Variants in LINC00305 observed in about 807,000 individuals in gnomAD.
The protein encoded by LINC00305 is long intergenic non-protein coding RNA 305.
At chr18:64,135,363 G>A (rs1262037908) in intron 1 of LINC00305, among the ~76,000 whole-genome samples, 1 of 152,016 alleles carries the variant, frequency 6.6e-6, no homozygotes, top group Non-Finnish European at 1.5e-5. Flanking sequence ...AATGACATCC[G>A]ACTTCTTTCT....
intron 1 of LINC00305, among the ~76,000 whole-genome samples, chr18:64,118,144 G>T (rs1306917478): frequency 1.3e-5 from 2 of 152,116 alleles, no homozygotes; most frequent in East Asian, 3.8e-4. Flanking sequence ...TCTGGTATTT[G>T]TTTTGGACAA....
At chr18:64,143,023 C>T (rs1435966419) in intron 1 of LINC00305, among the ~76,000 whole-genome samples, 1 of 152,000 alleles carries the variant, frequency 6.6e-6, no homozygotes, top group Non-Finnish European at 1.5e-5. Flanking sequence ...AAGGATCAAA[C>T]ATACCAAAGC....
intron 1 of LINC00305, among the ~76,000 whole-genome samples, chr18:64,099,216 G>T (rs930489339): frequency 1.3e-5 from 2 of 152,032 alleles, no homozygotes; most frequent in African/African-American, 4.8e-5. Context: ...TTAATGTTTT[G>T]TCTGTGTATT....
At chr18:64,125,804 A>T (rs2051382558) in intron 1 of LINC00305, among the ~76,000 whole-genome samples, 1 of 152,120 alleles carries the variant, frequency 6.6e-6, no homozygotes, top group Non-Finnish European at 1.5e-5. Flanking sequence ...ATGGGAGGTG[A>T]TTAGGCATGA....
At chr18:64,090,044 G>A (rs1396699656) in intron 3 of LINC00305, among the ~76,000 whole-genome samples, 1 of 152,180 alleles carries the variant, frequency 6.6e-6, no homozygotes, top group Non-Finnish European at 1.5e-5. Context: ...CAAATAGTGG[G>A]CTCAAAGACA....
At position 64,138,902 on chromosome 18, in the gene LINC00305, C is replaced by A. The variant is rs890570315; in HGVS notation, n.314+9873G>T. On this transcript the variant is annotated intron_variant and non_coding_transcript_variant, in intron 1 of 3. Coordinates refer to ENST00000666468, the Ensembl canonical transcript of LINC00305. ...ACTTGAATAAGCTTGCAATAAATGACCCTATCCAAATGAATCAAAGAGTAT... is the reference window on the plus strand; with the variant it reads ...ACTTGAATAAGCTTGCAATAAATGAACCTATCCAAATGAATCAAAGAGTAT... 9.2e-5 allele frequency among the ~76,000 whole-genome samples: 14 copies of A among 152,244 alleles called. 1 individual carries two copies. Among genetic ancestry groups the A allele is most frequent in the Admixed American group, 8.5e-4 (13 of 15,284 alleles).
intron 1 of LINC00305, among the ~76,000 whole-genome samples, chr18:64,111,517 G>A (rs1042505253): frequency 6.6e-6 from 1 of 152,156 alleles, no homozygotes; most frequent in Non-Finnish European, 1.5e-5. Flanking sequence ...GTGAATTCTT[G>A]TTTATAGAAT....
intron 1 of LINC00305, among the ~76,000 whole-genome samples, chr18:64,110,593 A>C (rs1317637005): frequency 6.6e-6 from 1 of 152,204 alleles, no homozygotes; most frequent in African/African-American, 2.4e-5. Flanking sequence ...ACCTACAAAG[A>C]TACTGGCACA....
chr18:64,127,935 A>G (rs943318712), intron 1 of LINC00305, among the ~76,000 whole-genome samples: 1 of 152,040 alleles, frequency 6.6e-6, no homozygotes, highest in Non-Finnish European at 1.5e-5. Flanking sequence ...TAACTGAGCT[A>G]ATTTTGGGAG....
intron 3 of LINC00305, among the ~76,000 whole-genome samples, chr18:64,081,423 T>A (rs541814209): frequency 1.3e-5 from 2 of 152,292 alleles, no homozygotes; most frequent in African/African-American, 4.8e-5. Context: ...GAATCAATCC[T>A]CAGGCATCAA....
intron 3 of LINC00305, among the ~76,000 whole-genome samples, chr18:64,095,568 G>A (rs74328715): frequency 0.011 from 1,655 of 152,112 alleles, 32 homozygotes; most frequent in African/African-American, 0.038. Context: ...TAAAAGAAGT[G>A]AAATAATTTA....
chr18:64,148,131 A>G (rs941924209), intron 1 of LINC00305, among the ~76,000 whole-genome samples: 2 of 151,948 alleles, frequency 1.3e-5, no homozygotes, highest in African/African-American at 2.4e-5. Context: ...CTTCCTATCT[A>G]GGATCTCCAC....
intron 1 of LINC00305, among the ~76,000 whole-genome samples, chr18:64,138,473 G>A (rs550774562): frequency 8.5e-5 from 13 of 152,264 alleles, no homozygotes; most frequent in South Asian, 2.1e-4. Flanking sequence ...TACATCACAC[G>A]CTGCTTTTGC....
chr18:64,109,760 G>A (rs1269563577), intron 1 of LINC00305, among the ~76,000 whole-genome samples: 1 of 152,084 alleles, frequency 6.6e-6, no homozygotes, highest in Non-Finnish European at 1.5e-5. Flanking sequence ...CCTGTGGTTG[G>A]ATGTAGCCAT....
intron 1 of LINC00305, among the ~76,000 whole-genome samples, chr18:64,118,494 C>G (rs2051347563): frequency 6.6e-6 from 1 of 151,784 alleles, no homozygotes; most frequent in South Asian, 2.1e-4. Flanking sequence ...ATCATTATAA[C>G]TTTTTTGTAT....
chr18:64,108,965 C>A (rs1251821120), intron 1 of LINC00305, among the ~76,000 whole-genome samples: 1 of 152,042 alleles, frequency 6.6e-6, no homozygotes, highest in African/African-American at 2.4e-5. Flanking sequence ...ATTTCTTTTC[C>A]CATTTATGTG....
intron 1 of LINC00305, among the ~76,000 whole-genome samples, chr18:64,128,281 A>C (rs2051394066): frequency 2.0e-5 from 3 of 152,084 alleles, no homozygotes; most frequent in Admixed American, 2.0e-4. Context: ...GCTATTCATC[A>C]ACTTGGCTTA....
At chr18:64,106,163 C>T (rs1192980685) in intron 1 of LINC00305, among the ~76,000 whole-genome samples, 2 of 152,220 alleles carry the variant, frequency 1.3e-5, no homozygotes, top group Non-Finnish European at 2.9e-5. Flanking sequence ...TCAGCATTTT[C>T]AGGTTACCCT....
chr18:64,121,959 G>A (rs751991798), intron 1 of LINC00305, among the ~76,000 whole-genome samples: 96 of 151,974 alleles, frequency 6.3e-4, no homozygotes, highest in Admixed American at 1.1e-3. Context: ...CATTTTTCAT[G>A]TCTGTTGGCC....
Sources: gnomAD v4.1 joint callset for allele counts (sites outside exome capture counted in the v4.1 genomes callset) on GRCh38, gnomAD v4.1.1 for gene constraint, MANE v1.5 for transcripts, NCBI Gene and HGNC (gene_info 2026-07-23, HGNC 2026-07-21) for gene names.